MPRIP: variants seen among roughly 807,000 people sequenced by gnomAD.
MPRIP encodes the protein myosin phosphatase Rho interacting protein.
Under a neutral mutation model 234.9 loss-of-function variants are expected in MPRIP, and 59 were observed. The observed-to-expected ratio is 0.25, with a 90% CI of 0.20 to 0.31. MPRIP has a LOEUF of 0.31. Among genes scored for constraint, MPRIP ranks in the 10% least tolerant of loss-of-function variants. MPRIP has a pLI of 1.00. For synonymous variants in MPRIP, 1,144 were observed against 1,263.9 expected (o/e 0.91, Z 2.01); for missense variants, 2,436 against 3,071.0 (o/e 0.79, Z 4.89).
intron 4 of MPRIP, 44 bp downstream of exon 4, chr17:17,126,897 C>T: frequency 6.3e-7 from 1 of 1,596,676 alleles, no homozygotes; most frequent in Non-Finnish European, 8.5e-7. Context: ...CCACCTGCCA[C>T]AGGGCCAACA....
chr17:17,057,574 A>G, intron 1 of MPRIP: 4 of 716,732 alleles, frequency 5.6e-6, no homozygotes, highest in South Asian at 4.4e-5. Context: ...AGCTAGAGGG[A>G]AAAGGCCTTT....
intron 3 of MPRIP, among the ~76,000 whole-genome samples, chr17:17,116,133 A>T (rs961084743): frequency 6.6e-6 from 1 of 152,196 alleles, no homozygotes; most frequent in African/African-American, 2.4e-5. Context: ...ATGTTTACTG[A>T]AGCACATATT....
chr17:17,142,854 C>A (rs917281191), intron 8 of MPRIP, 89 bp downstream of exon 8: 8 of 1,432,854 alleles, frequency 5.6e-6, no homozygotes, highest in African/African-American at 1.4e-5. Context: ...CCACACAGGC[C>A]TGGGATGTGC....
chr17:17,057,346 G>T (rs754845727), intron 1 of MPRIP, among the ~76,000 whole-genome samples: 1 of 152,218 alleles, frequency 6.6e-6, no homozygotes, highest in Non-Finnish European at 1.5e-5. Context: ...GGAGGTACAC[G>T]CCTTCTTTCT....
intron 3 of MPRIP, among the ~76,000 whole-genome samples, chr17:17,093,352 G>A (rs1003037363): frequency 3.3e-5 from 5 of 152,156 alleles, no homozygotes; most frequent in African/African-American, 1.2e-4. Context: ...AGAATTTTAT[G>A]TATAAACACA....
intron 15 of MPRIP, 129 bp downstream of exon 15, chr17:17,161,485 T>G: frequency 1.9e-6 from 1 of 540,306 alleles, no homozygotes; most frequent in Admixed American, 3.7e-5. Context: ...CTCATGCCCC[T>G]GGGCTTTTCT....
intron 9 of MPRIP, among the ~76,000 whole-genome samples, chr17:17,145,772 A>G (rs991100308): frequency 6.6e-6 from 1 of 152,214 alleles, no homozygotes; most frequent in South Asian, 2.1e-4. Flanking sequence ...CGGAGCCCAC[A>G]CTGCTCACAG....
intron 23 of MPRIP, chr17:17,180,480 G>A: frequency 1.0e-5 from 9 of 864,862 alleles, no homozygotes; most frequent in Admixed American, 7.0e-5. Context: ...TCCCCAGCCA[G>A]GAAGCAGTAC....
At chr17:17,051,710 C>T (rs540038218) in intron 1 of MPRIP, among the ~76,000 whole-genome samples, 11 of 152,374 alleles carry the variant, frequency 7.2e-5, no homozygotes, top group African/African-American at 2.2e-4. Flanking sequence ...TTGTCACTTC[C>T]GTTGGGGGCA....
chr17:17,149,365 C>A (rs1024652500), intron 11 of MPRIP, among the ~76,000 whole-genome samples: 1 of 151,908 alleles, frequency 6.6e-6, no homozygotes, highest in Non-Finnish European at 1.5e-5. Context: ...TGGTGGTGGT[C>A]ATCTGTAGTC....
intron 11 of MPRIP, among the ~76,000 whole-genome samples, chr17:17,148,820 T>G (rs1174336476): frequency 2.0e-5 from 3 of 152,214 alleles, no homozygotes; most frequent in Non-Finnish European, 4.4e-5. Context: ...GTTGGCTCAT[T>G]CCTCTAAGGA....
intron 9 of MPRIP, among the ~76,000 whole-genome samples, chr17:17,144,396 G>A (rs752183495): frequency 2.0e-5 from 3 of 152,208 alleles, no homozygotes; most frequent in Non-Finnish European, 4.4e-5. Context: ...TGCTTCAGGT[G>A]TCTTGAACAA....
intron 1 of MPRIP, among the ~76,000 whole-genome samples, chr17:17,065,965 A>G (rs1324808701): frequency 1.3e-5 from 2 of 152,220 alleles, no homozygotes; most frequent in Non-Finnish European, 2.9e-5. Context: ...TTGCTAGCAT[A>G]TAGAGATACA....
intron 3 of MPRIP, among the ~76,000 whole-genome samples, chr17:17,125,033 G>A (rs1319388246): frequency 1.3e-5 from 2 of 152,116 alleles, no homozygotes; most frequent in African/African-American, 2.4e-5. Flanking sequence ...ATAAAGATGG[G>A]GTCTGAGGCT....
intron 14 of MPRIP, among the ~76,000 whole-genome samples, chr17:17,160,520 C>T (rs1482708218): frequency 2.0e-5 from 3 of 152,226 alleles, no homozygotes; most frequent in South Asian, 2.1e-4. Context: ...GGCCAGGCAT[C>T]AGGAGGCACC....
chr17:17,143,943 C>T (rs3744136), intron 9 of MPRIP, among the ~76,000 whole-genome samples: 19,844 of 152,210 alleles, frequency 0.13, 1,848 homozygotes, highest in East Asian at 0.3. Flanking sequence ...GGCAGACTCC[C>T]GACTCTAGGC....
rs915190499 is a variant in MPRIP, at chr17:17,164,612, T to C, written c.3021T>C (p.Ser1007=). The stretch of plus-strand genomic sequence containing the variant: ...ACCTCAGCCAGCAACTGGGCGCCAG[T>C]GAGCAGGCGCAGCGGCTGATGGAGG... ...IADLSQQLGA[S]EQAQRLMEEK... is the part of the protein sequence containing the mutation. The change falls in exon 16 of 24, where the codon AGT becomes AGC. Residue 1007 remains serine, a synonymous_variant. Transcript: ENST00000651222. The C allele has an allele frequency of 6.6e-6, 8 of 1,215,046 alleles. No homozygotes were observed. Among genetic ancestry groups the C allele is most frequent in the Admixed American group, 7.1e-5 (2 of 28,298 alleles). The allele number at this position is 1,215,046 out of a possible 1,614,324, so 75.3% of individuals were successfully genotyped here. A position where few individuals can be genotyped will look rare whatever the true frequency, so the allele number is the denominator to read the frequency against.
chr17:17,164,932 T>A lies in MPRIP; in HGVS notation c.3341T>A (p.Phe1114Tyr). ...CDERDLLRQR[F>Y]QELTERVATS... ...GAGCGGGACCTCCTCAGACAGCGGT[T>A]CCAGGAGCTGACAGAGCGCGTGGCC... Residue 1114 changes from phenylalanine (F) to tyrosine (Y), a missense_variant, in exon 16 of 24, where the codon TTC becomes TAC. Coordinates refer to ENST00000651222, the MANE Select transcript of MPRIP (RefSeq NM_001364716.4). 7.7e-7 allele frequency: 1 copy of A among 1,303,826 alleles called. No homozygotes were observed. The highest frequency in any genetic ancestry group is 1.0e-6 in the Non-Finnish European group (1 of 988,764). The allele number at this position is 1,303,826 out of a possible 1,614,324, so 80.8% of individuals were successfully genotyped here. A position where few individuals can be genotyped will look rare whatever the true frequency, so the allele number is the denominator to read the frequency against.
At chr17:17,051,222 A>C (rs959549917) in intron 1 of MPRIP, among the ~76,000 whole-genome samples, 1 of 152,230 alleles carries the variant, frequency 6.6e-6, no homozygotes, top group African/African-American at 2.4e-5. Context: ...TTTAGCAGAA[A>C]TAAAGAAATT....
Sources: allele counts gnomAD v4.1 joint callset (sites outside exome capture counted in the v4.1 genomes callset), GRCh38; gene constraint gnomAD v4.1.1; transcripts MANE v1.5; gene names NCBI Gene and HGNC (gene_info 2026-07-23, HGNC 2026-07-21).